The following ERBB4 variants were observed in gnomAD, a reference collection of about 807,000 sequenced individuals.
ERBB4 encodes erb-b2 receptor tyrosine kinase 4.
Under a neutral mutation model 158.0 loss-of-function variants are expected in ERBB4, and 42 were observed. The observed-to-expected ratio is 0.27, with a 90% confidence interval of 0.21 to 0.34. ERBB4 has a LOEUF of 0.34. ERBB4 is among the 10% of genes least tolerant of loss of function. The pLI is 1.00. For synonymous variants in ERBB4, 583 were observed against 558.7 expected, an observed-to-expected ratio of 1.04 and a Z score of -0.61; for missense variants, 1,333 against 1,624.1, an observed-to-expected ratio of 0.82 and a Z score of 3.08.
chr2:211,823,175 GT>G (rs1337340200), intron 3 of ERBB4, among the ~76,000 whole-genome samples: 19 of 151,986 alleles, frequency 1.3e-4, no homozygotes, highest in African/African-American at 4.6e-4. Context: ...ATACATAATT[GT>G]TGTTCCAAGT....
chr2:212,465,107 T>TCCC (rs1379504841), intron 1 of ERBB4, among the ~76,000 whole-genome samples: 1 of 152,146 alleles, frequency 6.6e-6, no homozygotes, highest in Non-Finnish European at 1.5e-5. Flanking sequence ...TATTGAAGAA[T>TCCC]TAGCCCAGGA....
intron 20 of ERBB4, among the ~76,000 whole-genome samples, chr2:211,532,899 T>G (rs150423524): frequency 6.6e-6 from 1 of 152,062 alleles, no homozygotes; most frequent in African/African-American, 2.4e-5. Context: ...TTTTAGCTTA[T>G]ATAAACTTTC....
intron 1 of ERBB4, among the ~76,000 whole-genome samples, chr2:212,427,962 G>GT (rs2091950350): frequency 2.6e-5 from 4 of 152,276 alleles, no homozygotes; most frequent in Admixed American, 2.6e-4. Context: ...ATTTTTTAAA[G>GT]TATTTGACAG....
chr2:212,288,131 T>C (rs1426077091), intron 1 of ERBB4, among the ~76,000 whole-genome samples: 2 of 152,122 alleles, frequency 1.3e-5, no homozygotes, highest in African/African-American at 4.8e-5. Flanking sequence ...AGTAAGAGTG[T>C]CCTGCTGACA....
intron 16 of ERBB4, among the ~76,000 whole-genome samples, chr2:211,646,576 T>C (rs1422588406): frequency 2.0e-5 from 3 of 151,672 alleles, no homozygotes; most frequent in Non-Finnish European, 3.0e-5. Context: ...AGGAAAAATA[T>C]TTCATGATGT....
intron 1 of ERBB4, among the ~76,000 whole-genome samples, chr2:212,207,315 G>A (rs2082793683): frequency 6.6e-6 from 1 of 152,126 alleles, no homozygotes; most frequent in Admixed American, 6.5e-5. Context: ...AGCAATGATA[G>A]TTGATCACAA....
At chr2:211,427,777 G>T (rs796694093) in intron 22 of ERBB4, among the ~76,000 whole-genome samples, 35 of 150,868 alleles carry the variant, frequency 2.3e-4, no homozygotes, top group African/African-American at 8.5e-4. Flanking sequence ...GTTTTTGAAA[G>T]TTGCTTAAAA....
chr2:211,603,738 T>C (rs1426651919), intron 19 of ERBB4, among the ~76,000 whole-genome samples: 1 of 152,132 alleles, frequency 6.6e-6, no homozygotes, highest in Non-Finnish European at 1.5e-5. Flanking sequence ...ATGGGCACAA[T>C]CCCAAAAGAG....
intron 1 of ERBB4, among the ~76,000 whole-genome samples, chr2:212,300,346 T>C (rs537256303): frequency 6.6e-6 from 1 of 151,608 alleles, no homozygotes; most frequent in Non-Finnish European, 1.5e-5. Context: ...CACTGTCAAT[T>C]ACATAAAACC....
intron 5 of ERBB4, among the ~76,000 whole-genome samples, chr2:211,726,941 G>C (rs1040565285): frequency 6.6e-6 from 1 of 152,076 alleles, no homozygotes; most frequent in African/African-American, 2.4e-5. Context: ...AACACTACTT[G>C]CAATTAAGTT....
chr2:212,402,011 C>T (rs1223604799), intron 1 of ERBB4, among the ~76,000 whole-genome samples: 1 of 152,062 alleles, frequency 6.6e-6, no homozygotes, highest in Non-Finnish European at 1.5e-5. Flanking sequence ...GTATTCTCGG[C>T]CATTTATTCC....
intron 19 of ERBB4, among the ~76,000 whole-genome samples, chr2:211,586,043 C>T (rs1370796653): frequency 1.3e-5 from 2 of 152,116 alleles, no homozygotes; most frequent in Admixed American, 6.6e-5. Flanking sequence ...CCTTCCATTA[C>T]CTCTTCTTCC....
At chr2:211,750,740 T>C (rs1460804207) in intron 4 of ERBB4, 36 bp from the exon 5 acceptor site, 1 of 1,573,606 alleles carries the variant, frequency 6.4e-7, no homozygotes, top group Non-Finnish European at 8.7e-7. Context: ...GACATGCACG[T>C]TATAATCTTT....
chr2:212,342,019 G>A (rs2088744163), intron 1 of ERBB4, among the ~76,000 whole-genome samples: 1 of 152,150 alleles, frequency 6.6e-6, no homozygotes, highest in Non-Finnish European at 1.5e-5. Flanking sequence ...AACACGTTGG[G>A]AGGTCAAGGC....
intron 3 of ERBB4, among the ~76,000 whole-genome samples, chr2:211,799,833 A>G (rs966136142): frequency 2.0e-5 from 3 of 152,182 alleles, no homozygotes; most frequent in African/African-American, 7.2e-5. Flanking sequence ...GATTTCTTCT[A>G]TCCTGCTTGA....
At chr2:212,483,315 T>C (rs1052496555) in intron 1 of ERBB4, among the ~76,000 whole-genome samples, 2 of 152,248 alleles carry the variant, frequency 1.3e-5, no homozygotes, top group Non-Finnish European at 2.9e-5. Flanking sequence ...TATTGTTGAT[T>C]ACATTTTAGA....
At chr2:211,918,062 G>C (rs2079749404) in intron 3 of ERBB4, among the ~76,000 whole-genome samples, 1 of 152,192 alleles carries the variant, frequency 6.6e-6, no homozygotes, top group Non-Finnish European at 1.5e-5. Flanking sequence ...GATGAAGCCA[G>C]TGGCTGGATT....
intron 2 of ERBB4, among the ~76,000 whole-genome samples, chr2:212,083,150 T>C (rs962988422): frequency 6.6e-6 from 1 of 152,062 alleles, no homozygotes; most frequent in Non-Finnish European, 1.5e-5. Context: ...GATCAAATTA[T>C]GTCAAACAAA....
chr2:211,623,655 T>C (rs1455614777), intron 18 of ERBB4, among the ~76,000 whole-genome samples: 2 of 152,142 alleles, frequency 1.3e-5, no homozygotes, highest in Middle Eastern at 3.2e-3. Context: ...GAATATGACA[T>C]ACGGGGCTCA....
Sources: gnomAD v4.1 joint callset for allele counts (sites outside exome capture counted in the v4.1 genomes callset) on GRCh38, gnomAD v4.1.1 for gene constraint, MANE v1.5 for transcripts, NCBI Gene and HGNC (gene_info 2026-07-23, HGNC 2026-07-21) for gene names.